Variants in UPRT observed in about 807,000 individuals in gnomAD.
UPRT encodes RP11-311P8.3.
Under a neutral mutation model 22.6 loss-of-function variants are expected in UPRT, and 5 were observed. That is an observed-to-expected ratio of 0.22 (90% CI 0.12 to 0.47). UPRT has a LOEUF of 0.47. UPRT is among the 20% of genes least tolerant of loss of function. The probability of loss-of-function intolerance (pLI) is 0.99; values close to 1 mark genes in which losing one functional copy is unlikely to be tolerated. For missense variants in UPRT, 181 were observed against 239.9 expected, an observed-to-expected ratio of 0.75 and a Z score of 1.62; for synonymous variants, 77 against 87.7, an observed-to-expected ratio of 0.88 and a Z score of 0.68.
intron 4 of UPRT, among the ~76,000 whole-genome samples, chrX:75,232,845 G>A (rs1222154135): frequency 1.8e-5 from 2 of 111,770 alleles, no homozygotes; most frequent in Admixed American, 1.9e-4. Context: ...AAAAAACAGA[G>A]CAGAAAAACT....
chrX:75,225,674 TTTGTTTTTTAAACAA>T (rs1265295122), intron 4 of UPRT, among the ~76,000 whole-genome samples: 1 of 111,665 alleles, frequency 9.0e-6, no homozygotes, highest in Non-Finnish European at 1.9e-5. Context: ...CTTTAAGTGT[TTTGTTTTTTAAACAA>T]TTGTCACCAG....
intron 4 of UPRT, among the ~76,000 whole-genome samples, chrX:75,206,519 A>C (rs1376067805): frequency 9.0e-6 from 1 of 111,342 alleles, no homozygotes; most frequent in African/African-American, 3.3e-5. Context: ...GGTTGTGCAC[A>C]TATGAAAGTA....
At chrX:75,235,909 A>C (rs1360864118) in intron 4 of UPRT, among the ~76,000 whole-genome samples, 3 of 111,613 alleles carry the variant, frequency 2.7e-5, no homozygotes, top group Non-Finnish European at 5.6e-5. Context: ...GCCCTCTCTC[A>C]CCACTCCTAT....
chrX:75,157,345 C>T (rs1438253267), intron 1 of UPRT, among the ~76,000 whole-genome samples: 2 of 111,761 alleles, frequency 1.8e-5, no homozygotes, highest in East Asian at 5.6e-4. Context: ...CTTTTTTGTT[C>T]TGGGATTCAT....
intron 4 of UPRT, among the ~76,000 whole-genome samples, chrX:75,185,796 A>T (rs77766785): frequency 9.0e-6 from 1 of 110,681 alleles, no homozygotes; most frequent in Non-Finnish European, 1.9e-5. Context: ...TAGATTTTCT[A>T]GTTTATTTGC....
At chrX:75,236,008 G>A (rs910605375) in intron 4 of UPRT, among the ~76,000 whole-genome samples, 4 of 110,881 alleles carry the variant, frequency 3.6e-5, no homozygotes, top group Non-Finnish European at 7.5e-5. Flanking sequence ...AAGTCAAATT[G>A]TCCCTGTTTG....
chrX:75,294,374 A>G (rs1187506331), intron 2 of UPRT, among the ~76,000 whole-genome samples: 2 of 111,122 alleles, frequency 1.8e-5, no homozygotes, highest in Non-Finnish European at 3.8e-5. Flanking sequence ...GAGATACAAT[A>G]GTGAAGAATG....
At chrX:75,196,197 A>G (rs2082332137) in intron 4 of UPRT, among the ~76,000 whole-genome samples, 1 of 111,715 alleles carries the variant, frequency 9.0e-6, no homozygotes, top group South Asian at 3.8e-4. Context: ...AGACAGTCTC[A>G]CTCTGTTGCC....
At chrX:75,184,240 C>A (rs1340627163) in intron 4 of UPRT, among the ~76,000 whole-genome samples, 2 of 112,083 alleles carry the variant, frequency 1.8e-5, no homozygotes, top group Non-Finnish European at 3.8e-5. Context: ...CTTTCTACAT[C>A]TGGCTTGCCA....
intron 4 of UPRT, among the ~76,000 whole-genome samples, chrX:75,187,210 C>A (rs1033399731): frequency 1.8e-5 from 2 of 111,294 alleles, no homozygotes; most frequent in African/African-American, 6.6e-5. Context: ...TCTTTTAGGG[C>A]AGGCCTGGTG....
At chrX:75,210,809 C>T (rs1442958897) in intron 4 of UPRT, among the ~76,000 whole-genome samples, 1 of 110,833 alleles carries the variant, frequency 9.0e-6, no homozygotes, top group Non-Finnish European at 1.9e-5. Context: ...GAGAGAGCTG[C>T]AAACAGAGAT....
Position 75,242,631 on chromosome X carries a change from G to A in UPRT, c.-446-48393G>A, listed in dbSNP as rs1160308397. Among the ~76,000 whole-genome samples the A allele has an allele frequency of 1.2e-4, 12 of 102,110 alleles. No homozygotes were observed. In the Admixed American group the frequency reaches 1.3e-3, roughly 11 times the overall value. 88.7% of individuals were successfully genotyped at this position (102,110 alleles called of 115,157 possible). ...TTATCAAGTTACTTAAAAATCAATA[G>A]ATCTGTTTTCTTATCTGTAAAATCG... On this transcript the variant is annotated intron_variant, in intron 4 of 13. Coordinates refer to the UPRT transcript ENST00000652605.
At chrX:75,186,034 T>C (rs1260340097) in intron 4 of UPRT, among the ~76,000 whole-genome samples, 7 of 111,663 alleles carry the variant, frequency 6.3e-5, no homozygotes, top group Non-Finnish European at 1.1e-4. Context: ...AGTTCTGCTC[T>C]GATTTTAGTT....
intron 4 of UPRT, among the ~76,000 whole-genome samples, chrX:75,196,854 GATAATA>G (rs758851671): frequency 9.1e-6 from 1 of 110,382 alleles, no homozygotes; most frequent in South Asian, 3.9e-4. Flanking sequence ...CTCAAAAAAA[GATAATA>G]ATAATAATAA....
chrX:75,209,260 G>A (rs761341236), intron 4 of UPRT, among the ~76,000 whole-genome samples: 26 of 111,879 alleles, frequency 2.3e-4, no homozygotes, highest in African/African-American at 8.4e-4. Flanking sequence ...CCTGGGTTCC[G>A]AGGTGGTAGT....
chrX:75,270,029 A>G (rs951201179), upstream of UPRT, among the ~76,000 whole-genome samples: 1 of 111,865 alleles, frequency 8.9e-6, no homozygotes, highest in Non-Finnish European at 1.9e-5. Context: ...TAATATCCAG[A>G]ATCTATAAAA....
At chrX:75,187,567 A>C (rs1230208953) in intron 4 of UPRT, among the ~76,000 whole-genome samples, 5 of 111,349 alleles carry the variant, frequency 4.5e-5, no homozygotes, top group African/African-American at 9.8e-5. Flanking sequence ...TGAAGGTTGG[A>C]CTGCCTTGCT....
At chrX:75,206,880 G>T (rs369705065) in intron 4 of UPRT, among the ~76,000 whole-genome samples, 3 of 111,802 alleles carry the variant, frequency 2.7e-5, no homozygotes, top group African/African-American at 9.8e-5. Flanking sequence ...TAGCTAGGAT[G>T]GTCTCGATCT....
chrX:75,269,834 C>T (rs2082602503), upstream of UPRT, among the ~76,000 whole-genome samples: 1 of 111,563 alleles, frequency 9.0e-6, no homozygotes, highest in Non-Finnish European at 1.9e-5. Flanking sequence ...CCATTCAGGA[C>T]ATAGGCATGG....
Sources: gnomAD v4.1 joint callset for allele counts (sites outside exome capture counted in the v4.1 genomes callset) on GRCh38, gnomAD v4.1.1 for gene constraint, MANE v1.5 for transcripts, NCBI Gene and HGNC (gene_info 2026-07-23, HGNC 2026-07-21) for gene names.